Variants in PDLIM1 observed in about 807,000 individuals in gnomAD.
The protein encoded by PDLIM1 is PDZ and LIM domain 1.
PDLIM1 carries 25 observed loss-of-function variants against 35.2 expected under a neutral mutation model. The observed-to-expected ratio is 0.71, with a 90% CI of 0.52 to 0.99. The LOEUF (loss-of-function observed/expected upper bound fraction) is 0.99, where lower values mean the gene tolerates loss of function less well. PDLIM1 is among the 50% of genes least tolerant of loss of function. The probability of loss-of-function intolerance (pLI) is 0.00; values close to 1 mark genes in which losing one functional copy is unlikely to be tolerated. For synonymous variants in PDLIM1, 152 were observed against 154.0 expected, an observed-to-expected ratio of 0.99 and a Z score of 0.10; for missense variants, 363 against 415.3, an observed-to-expected ratio of 0.87 and a Z score of 1.09.
intron 1 of PDLIM1, among the ~76,000 whole-genome samples, chr10:95,279,107 C>T (rs1375845203): frequency 2.6e-5 from 4 of 152,138 alleles, no homozygotes; most frequent in African/African-American, 7.2e-5. Flanking sequence ...CCCCTAGATT[C>T]GCAGCTTCTT....
intron 4 of PDLIM1, among the ~76,000 whole-genome samples, chr10:95,250,353 T>TAA (rs756885820): frequency 6.5e-5 from 9 of 138,232 alleles, no homozygotes; most frequent in Admixed American, 2.2e-4. Context: ...TTCTATAATT[T>TAA]AAAAAAAAAA....
At chr10:95,244,126 T>G (rs941786263) in intron 5 of PDLIM1, among the ~76,000 whole-genome samples, 11 of 152,176 alleles carry the variant, frequency 7.2e-5, no homozygotes, top group Non-Finnish European at 2.9e-5. Flanking sequence ...TATTTCACCA[T>G]TTTTCTTAAT....
intron 1 of PDLIM1, among the ~76,000 whole-genome samples, chr10:95,285,810 C>T (rs753033489): frequency 8.5e-5 from 13 of 152,162 alleles, no homozygotes; most frequent in Non-Finnish European, 1.8e-4. Context: ...TCACAAAATA[C>T]GTGTGAAGAT....
chr10:95,278,253 G>A (rs2035530367), intron 1 of PDLIM1, among the ~76,000 whole-genome samples: 1 of 152,206 alleles, frequency 6.6e-6, no homozygotes. Context: ...TGTAAACAAG[G>A]ATGCACCAAG....
intron 1 of PDLIM1, among the ~76,000 whole-genome samples, chr10:95,281,253 T>G (rs1404273987): frequency 1.3e-5 from 2 of 151,920 alleles, no homozygotes; most frequent in African/African-American, 4.8e-5. Flanking sequence ...TAGAATAGTA[T>G]TCCTCTATCT....
In PDLIM1 at chr10:95,283,449, T is replaced by TA. The variant is rs1242422666; in HGVS notation, c.96+7370dup. Among the ~76,000 whole-genome samples the TA allele has an allele frequency of 2.0e-5, 3 of 152,348 alleles. No individual in the cohort carries two copies. In the East Asian group the frequency reaches 5.8e-4, roughly 29 times the overall value. Reference sequence around the variant, plus strand: ...CAAAAATGTATTTTTCCCTTGACATTAAGATGTCTTTAATTCTTGATTTGT... The same window carrying TA: ...CAAAAATGTATTTTTCCCTTGACATTAAAGATGTCTTTAATTCTTGATTTGT... On this transcript the variant is annotated intron_variant, in intron 1 of 6. Coordinates refer to ENST00000329399, the MANE Select transcript of PDLIM1 (RefSeq NM_020992.4).
At chr10:95,274,210 C>A (rs183853734) in intron 1 of PDLIM1, among the ~76,000 whole-genome samples, 162 of 152,088 alleles carry the variant, frequency 1.1e-3, no homozygotes, top group African/African-American at 3.8e-3. Context: ...AACTTCTCAT[C>A]TTCCAAGTGT....
chr10:95,242,492 G>T (rs1304747885), intron 5 of PDLIM1, among the ~76,000 whole-genome samples: 1 of 152,000 alleles, frequency 6.6e-6, no homozygotes, highest in Non-Finnish European at 1.5e-5. Flanking sequence ...TTCGAGACCA[G>T]CCTGGCCAAC....
chr10:95,257,835 T>C (rs1038648916), intron 4 of PDLIM1, among the ~76,000 whole-genome samples: 1 of 152,328 alleles, frequency 6.6e-6, no homozygotes, highest in South Asian at 2.1e-4. Flanking sequence ...AAAGAGATAT[T>C]TGCTCACCCA....
intron 3 of PDLIM1, 42 bp from the exon 4 acceptor site, chr10:95,264,105 A>T: frequency 6.5e-7 from 1 of 1,536,826 alleles, no homozygotes; most frequent in South Asian, 1.1e-5. Flanking sequence ...GGGGCATCCA[A>T]TGCAAACCCC....
At chr10:95,264,937 C>T (rs551016644) in intron 3 of PDLIM1, among the ~76,000 whole-genome samples, 83 of 131,410 alleles carry the variant, frequency 6.3e-4, no homozygotes, top group Admixed American at 5.0e-3. Flanking sequence ...CTCCTGCCAG[C>T]ATCACAGCTT....
intron 4 of PDLIM1, among the ~76,000 whole-genome samples, chr10:95,259,059 C>T (rs1274650231): frequency 2.0e-5 from 3 of 151,898 alleles, no homozygotes; most frequent in Non-Finnish European, 4.4e-5. Context: ...AGGAGGGAAG[C>T]GAGTGTGGCT....
At chr10:95,288,128 T>C (rs540565746) in intron 1 of PDLIM1, among the ~76,000 whole-genome samples, 24 of 152,338 alleles carry the variant, frequency 1.6e-4, no homozygotes, top group African/African-American at 5.1e-4. Context: ...GCTTGCTTTA[T>C]AATCATTTGC....
At chr10:95,238,436 C>T (rs12771349) in intron 6 of PDLIM1, 132 bp downstream of exon 6, 251,142 of 696,916 alleles carry the variant, frequency 0.36, 47,753 homozygotes, top group Middle Eastern at 0.47. Flanking sequence ...CCTTTCTGGC[C>T]TCTCTGTTGC....
chr10:95,263,989 A>T lies in PDLIM1; in HGVS notation c.408T>A (p.Thr136=). Residue 136 remains threonine, a synonymous_variant, in exon 4 of 7, where the codon ACT becomes ACA. Transcript: ENST00000329399. ...PFTASPASST[T]ARVITNQYNN... ...TGTACTGGTTTGTGATGACCCTGGC[A>T]GTAGTGCTGGAGGCAGGCGAGGCGG... The T allele has an allele frequency of 6.2e-7, 1 of 1,613,914 alleles. No homozygotes were observed.
rs1044608426 is a variant in PDLIM1, at chr10:95,263,938, A to G, written c.459T>C (p.Ser153=). The G allele has an allele frequency of 2.5e-6, 4 of 1,613,862 alleles. No homozygotes were observed. In the African/African-American group the frequency reaches 5.3e-5, roughly 22 times the overall value. ...QYNNPAGLYS[S]ENISNFNNAL... is the part of the protein sequence containing the mutation. The stretch of plus-strand genomic sequence containing the variant: ...CATTGTTGAAGTTGGAGATATTTTC[A>G]GAAGAGTAGAGGCCAGCTGGGTTGT... Residue 153 remains serine, a synonymous_variant, in exon 4 of 7, where the codon TCT becomes TCC. Transcript: ENST00000329399.
intron 1 of PDLIM1, among the ~76,000 whole-genome samples, chr10:95,284,338 A>G (rs2035584028): frequency 6.6e-6 from 1 of 152,052 alleles, no homozygotes; most frequent in African/African-American, 2.4e-5. Context: ...TGCATCAACC[A>G]TATTTAATCT....
intron 1 of PDLIM1, among the ~76,000 whole-genome samples, chr10:95,280,314 G>A (rs2035550332): frequency 1.3e-5 from 2 of 152,154 alleles, no homozygotes; most frequent in African/African-American, 2.4e-5. Context: ...GGCAGAGGTT[G>A]CAATGAGCCA....
chr10:95,262,611 C>A (rs1049744649), intron 4 of PDLIM1, among the ~76,000 whole-genome samples: 2 of 150,342 alleles, frequency 1.3e-5, no homozygotes, highest in African/African-American at 4.9e-5. Context: ...CCACCCAGCA[C>A]CCTTGTTTAC....
Sources: allele counts gnomAD v4.1 joint callset (sites outside exome capture counted in the v4.1 genomes callset), GRCh38; gene constraint gnomAD v4.1.1; transcripts MANE v1.5; gene names NCBI Gene and HGNC (gene_info 2026-07-23, HGNC 2026-07-21).